The following CNTNAP2 variants were observed in gnomAD, a reference collection of about 807,000 sequenced individuals.
CNTNAP2 encodes contactin-associated protein-like 2.
A neutral mutation model predicts 155.2 loss-of-function variants in CNTNAP2; 98 were observed. That is an observed-to-expected ratio of 0.63 (90% CI 0.54 to 0.75). The LOEUF is 0.75. Among genes scored for constraint, CNTNAP2 ranks in the 30% least tolerant of loss-of-function variants. The pLI, the probability that CNTNAP2 is intolerant of heterozygous loss-of-function variation, is 0.00. For missense variants in CNTNAP2, 1,727 were observed against 1,688.1 expected (o/e 1.02, Z -0.40); for synonymous variants, 651 against 631.2 (o/e 1.03, Z -0.47).
chr7:147,217,820 A>G (rs1803307314), intron 8 of CNTNAP2, among the ~76,000 whole-genome samples: 1 of 152,068 alleles, frequency 6.6e-6, no homozygotes, highest in Non-Finnish European at 1.5e-5. Context: ...GCTTTAATTT[A>G]TTAAATACAT....
intron 14 of CNTNAP2, among the ~76,000 whole-genome samples, chr7:147,974,391 C>T (rs947853270): frequency 1.3e-5 from 2 of 152,040 alleles, no homozygotes; most frequent in African/African-American, 4.8e-5. Flanking sequence ...GGGCAGATCC[C>T]CTGAGGTCAG....
intron 4 of CNTNAP2, among the ~76,000 whole-genome samples, chr7:147,049,390 A>C (rs896443390): frequency 2.0e-5 from 3 of 152,222 alleles, no homozygotes; most frequent in Non-Finnish European, 4.4e-5. Context: ...ACTTCCAAAA[A>C]TTTACTGGCT....
intron 1 of CNTNAP2, among the ~76,000 whole-genome samples, chr7:146,273,724 A>T (rs2129083753): frequency 6.6e-6 from 1 of 152,238 alleles, no homozygotes; most frequent in African/African-American, 2.4e-5. Context: ...GAACAAGGGA[A>T]AGAACACCTA....
intron 1 of CNTNAP2, among the ~76,000 whole-genome samples, chr7:146,599,287 C>T (rs911591484): frequency 6.6e-6 from 1 of 152,028 alleles, no homozygotes; most frequent in Non-Finnish European, 1.5e-5. Context: ...CACATTGTGT[C>T]TCTTCTCTAC....
At chr7:147,775,281 A>T (rs1797550178) in intron 13 of CNTNAP2, among the ~76,000 whole-genome samples, 2 of 95,818 alleles carry the variant, frequency 2.1e-5, no homozygotes, top group African/African-American at 9.6e-5. Context: ...ATATATATTT[A>T]TAAATATATA....
intron 1 of CNTNAP2, among the ~76,000 whole-genome samples, chr7:146,755,651 G>A (rs1801982873): frequency 1.3e-5 from 2 of 151,964 alleles, no homozygotes; most frequent in Admixed American, 1.3e-4. Flanking sequence ...AATGTCAAGT[G>A]ATGAACTAAT....
chr7:147,492,360 C>T (rs764332672), intron 11 of CNTNAP2, among the ~76,000 whole-genome samples: 1 of 152,054 alleles, frequency 6.6e-6, no homozygotes, highest in African/African-American at 2.4e-5. Context: ...GTTGGGGACC[C>T]CTTACATCAT....
At chr7:147,726,939 G>A (rs28719479) in intron 13 of CNTNAP2, among the ~76,000 whole-genome samples, 12,161 of 151,874 alleles carry the variant, frequency 0.08, 1,589 homozygotes, top group African/African-American at 0.28. Context: ...AAACCAAAAT[G>A]AAGTTAATTA....
At chr7:146,309,642 A>C (rs1234804567) in intron 1 of CNTNAP2, among the ~76,000 whole-genome samples, 1 of 151,948 alleles carries the variant, frequency 6.6e-6, no homozygotes, top group Admixed American at 6.6e-5. Flanking sequence ...TCTTTACTGA[A>C]AATACAAAAA....
intron 15 of CNTNAP2, among the ~76,000 whole-genome samples, chr7:148,116,878 C>T (rs530968945): frequency 2.8e-4 from 43 of 152,248 alleles, no homozygotes; most frequent in African/African-American, 1.0e-3. Context: ...AAAGATATAG[C>T]AAATACCGTG....
intron 1 of CNTNAP2, among the ~76,000 whole-genome samples, chr7:146,417,894 T>C (rs1393069573): frequency 6.6e-6 from 1 of 151,932 alleles, no homozygotes; most frequent in Non-Finnish European, 1.5e-5. Flanking sequence ...ATATGTTGAG[T>C]GTGTATGAGG....
intron 1 of CNTNAP2, among the ~76,000 whole-genome samples, chr7:146,676,891 G>A (rs1355608177): frequency 6.6e-6 from 1 of 152,252 alleles, no homozygotes; most frequent in Middle Eastern, 3.4e-3. Context: ...AATTATGGGA[G>A]CTACAGTTCA....
In CNTNAP2 at chr7:148,147,483, T is replaced by C. The variant is rs1057317681; in HGVS notation, c.2555-8T>C. The C allele has an allele frequency of 6.2e-7, 1 of 1,613,664 alleles. No homozygotes were observed. The highest frequency in any genetic ancestry group is 1.3e-5 in the African/African-American group (1 of 75,024). On this transcript the variant is annotated splice_polypyrimidine_tract_variant and splice_region_variant and intron_variant, in intron 16 of 23. Transcript: ENST00000361727. ...TACTCATGTTTTTCATGCTTTCTGC[T>C]CCTCCAGCTGCCACAGAAGTGTCCT...
At chr7:146,626,620 A>G (rs1251415972) in intron 1 of CNTNAP2, among the ~76,000 whole-genome samples, 1 of 152,212 alleles carries the variant, frequency 6.6e-6, no homozygotes, top group African/African-American at 2.4e-5. Context: ...AACTCAATGT[A>G]TCCAATGCTT....
intron 21 of CNTNAP2, among the ~76,000 whole-genome samples, chr7:148,346,494 G>A (rs1198535951): frequency 4.6e-5 from 7 of 152,146 alleles, no homozygotes; most frequent in Admixed American, 6.5e-5. Flanking sequence ...TGCTTAGGCC[G>A]GGTGCGGTGG....
intron 4 of CNTNAP2, among the ~76,000 whole-genome samples, chr7:147,059,200 G>C (rs915070607): frequency 6.6e-6 from 1 of 152,190 alleles, no homozygotes; most frequent in African/African-American, 2.4e-5. Context: ...GTTGTGCCTA[G>C]AGGGGCATAA....
chr7:146,255,027 A>C (rs2129080486), intron 1 of CNTNAP2, among the ~76,000 whole-genome samples: 1 of 152,310 alleles, frequency 6.6e-6, no homozygotes, highest in South Asian at 2.1e-4. Context: ...TGAAAAAAAA[A>C]ATGAGACTCA....
At chr7:146,437,550 C>T (rs574613086) in intron 1 of CNTNAP2, among the ~76,000 whole-genome samples, 119 of 151,530 alleles carry the variant, frequency 7.9e-4, no homozygotes, top group Non-Finnish European at 1.6e-3. Flanking sequence ...ATTGTAAGTG[C>T]ATTGCTCAAA....
chr7:147,855,439 C>G (rs951025212), intron 13 of CNTNAP2, among the ~76,000 whole-genome samples: 8 of 152,076 alleles, frequency 5.3e-5, no homozygotes, highest in African/African-American at 1.9e-4. Flanking sequence ...TTCTCCTACT[C>G]TTGTTTATTA....
Sources: gnomAD v4.1 joint callset for allele counts (sites outside exome capture counted in the v4.1 genomes callset) on GRCh38, gnomAD v4.1.1 for gene constraint, MANE v1.5 for transcripts, NCBI Gene and HGNC (gene_info 2026-07-23, HGNC 2026-07-21) for gene names.